MLIP: variants seen among roughly 807,000 people sequenced by gnomAD.
MLIP encodes muscular LMNA-interacting protein.
In MLIP, 79 loss-of-function variants were observed where a neutral mutation model predicts 84.8. The ratio of observed to expected loss-of-function variants is 0.93; its 90% CI spans 0.78 to 1.12. The LOEUF is 1.12. MLIP is among the 50% of genes most tolerant of loss of function. MLIP has a pLI of 0.00. For synonymous variants in MLIP, 504 were observed against 463.0 expected (o/e 1.09, Z -1.14); for missense variants, 1,257 against 1,160.6 (o/e 1.08, Z -1.21).
At chr6:54,156,228 A>C (rs1051749790) in intron 5 of MLIP, among the ~76,000 whole-genome samples, 2 of 152,080 alleles carry the variant, frequency 1.3e-5, no homozygotes, top group Non-Finnish European at 2.9e-5. Context: ...ACAGTCAATT[A>C]AAAAAATCAA....
At chr6:54,061,449 A>G (rs1752671239) in intron 1 of MLIP, among the ~76,000 whole-genome samples, 1 of 152,200 alleles carries the variant, frequency 6.6e-6, no homozygotes, top group South Asian at 2.1e-4. Context: ...GATTGGTTTG[A>G]AGATTAAATG....
chr6:54,049,374 TCTG>T (rs1417502079), intron 1 of MLIP, among the ~76,000 whole-genome samples: 11 of 152,184 alleles, frequency 7.2e-5, no homozygotes, highest in Non-Finnish European at 1.2e-4. Context: ...TGCTCACACT[TCTG>T]CTGGGTCAGT....
chr6:54,034,244 C>T (rs879708425), intron 1 of MLIP, among the ~76,000 whole-genome samples: 1 of 152,068 alleles, frequency 6.6e-6, no homozygotes, highest in Non-Finnish European at 1.5e-5. Context: ...GTGTGTAAAC[C>T]TAGGATACAT....
chr6:54,096,250 C>T (rs556764050), intron 1 of MLIP, among the ~76,000 whole-genome samples: 6 of 152,176 alleles, frequency 3.9e-5, no homozygotes, highest in African/African-American at 1.2e-4. Context: ...ATTTCTTATA[C>T]CAAGCTTGGA....
intron 11 of MLIP, among the ~76,000 whole-genome samples, chr6:54,229,543 A>G (rs1377589098): frequency 6.6e-6 from 1 of 152,068 alleles, no homozygotes; most frequent in Admixed American, 6.5e-5. Flanking sequence ...GACAAGCCCC[A>G]GTATGTGTTG....
intron 11 of MLIP, chr6:54,215,282 G>T: frequency 6.8e-7 from 1 of 1,472,224 alleles, no homozygotes; most frequent in Non-Finnish European, 8.9e-7. Context: ...AAAAGACGAT[G>T]ATAGAATTCA....
At chr6:54,170,829 C>T (rs1357557471) in intron 9 of MLIP, among the ~76,000 whole-genome samples, 3 of 151,544 alleles carry the variant, frequency 2.0e-5, no homozygotes, top group Non-Finnish European at 4.4e-5. Context: ...TATCTCCTTT[C>T]TTCTCTTCCT....
chr6:54,217,537 T>C, intron 11 of MLIP: 1 of 985,228 alleles, frequency 1.0e-6, no homozygotes, highest in Non-Finnish European at 1.2e-6. Context: ...TAATTTTTCT[T>C]TAATGAACAA....
At chr6:54,133,829 T>C (rs1771586444) in intron 3 of MLIP, among the ~76,000 whole-genome samples, 1 of 152,150 alleles carries the variant, frequency 6.6e-6, no homozygotes, top group South Asian at 2.1e-4. Context: ...GAGTTCCAGA[T>C]AGCCTTTCTA....
rs559598804 is a variant in MLIP at position 54,247,812 on chromosome 6, G to A, written c.2923-9496G>A. Among the ~76,000 whole-genome samples, 254 of 152,188 alleles carry A rather than the reference G, an allele frequency of 1.7e-3. 2 individuals carry two copies. Among genetic ancestry groups the A allele is most frequent in the African/African-American group, 5.9e-3 (243 of 41,532 alleles). Reference sequence around the variant, plus strand: ...TCTTGGCCCCCACATCCTTAGTGATGCTCTTGGGGGTGTACTGCTAGAGGA... The same window carrying A: ...TCTTGGCCCCCACATCCTTAGTGATACTCTTGGGGGTGTACTGCTAGAGGA... On this transcript the variant is annotated intron_variant, in intron 12 of 13. Coordinates refer to ENST00000502396, the MANE Select transcript of MLIP (RefSeq NM_001281747.2).
chr6:54,130,672 A>G (rs1412032725), intron 3 of MLIP, among the ~76,000 whole-genome samples: 5 of 152,146 alleles, frequency 3.3e-5, no homozygotes, highest in Non-Finnish European at 7.4e-5. Flanking sequence ...AAAAAAGTGT[A>G]TTAGGTTGCA....
chr6:54,202,012 G>A (rs1473173428), intron 10 of MLIP, 93 bp from the exon 11 acceptor site: 2 of 879,666 alleles, frequency 2.3e-6, no homozygotes, highest in Non-Finnish European at 3.1e-6. Flanking sequence ...TTTTCTGTGA[G>A]AACAGCATTG....
intron 4 of MLIP, among the ~76,000 whole-genome samples, chr6:54,145,792 C>G (rs573668818): frequency 7.0e-6 from 1 of 142,984 alleles, no homozygotes; most frequent in Non-Finnish European, 1.5e-5. Context: ...CCCCCTCCCC[C>G]ACAAAAAAAA....
At chr6:54,176,457 C>T (rs1776295655) in intron 9 of MLIP, among the ~76,000 whole-genome samples, 1 of 151,932 alleles carries the variant, frequency 6.6e-6, no homozygotes, top group African/African-American at 2.4e-5. Context: ...CTTCATGGTT[C>T]AGTCTTGATA....
intron 10 of MLIP, among the ~76,000 whole-genome samples, chr6:54,193,906 T>A (rs1150874): frequency 0.82 from 125,389 of 152,014 alleles, 53,314 homozygotes; most frequent in Non-Finnish European, 0.94. Flanking sequence ...AACACACAAG[T>A]TAGGCACCCC....
At chr6:54,054,354 C>A (rs1295225474) in intron 1 of MLIP, among the ~76,000 whole-genome samples, 1 of 148,178 alleles carries the variant, frequency 6.7e-6, no homozygotes, top group Non-Finnish European at 1.5e-5. Context: ...CGATGACAAA[C>A]AGGGTGGATT....
At chr6:54,161,673 C>T (rs1774653993) in intron 8 of MLIP, among the ~76,000 whole-genome samples, 1 of 151,740 alleles carries the variant, frequency 6.6e-6, no homozygotes, top group Non-Finnish European at 1.5e-5. Context: ...CTACACATAA[C>T]TAGAAGAGCA....
At chr6:54,115,550 G>T (rs1038449067) in intron 1 of MLIP, among the ~76,000 whole-genome samples, 3 of 152,068 alleles carry the variant, frequency 2.0e-5, no homozygotes, top group East Asian at 1.9e-4. Context: ...GGGCAAGGAA[G>T]AATAGAGGTC....
Position 54,161,201 on chromosome 6 carries a change from A to G in MLIP, c.2499+402A>G, listed in dbSNP as rs537773966. ...TTATGGAATTTATAGCCACTTAAAA[A>G]TAGAGAAGTAAAAAATGAAGTAGAC... On this transcript the variant is annotated intron_variant, in intron 8 of 13. Transcript: ENST00000502396. Among the ~76,000 whole-genome samples, 27 of 152,104 alleles carry G rather than the reference A, an allele frequency of 1.8e-4. 1 individual carries two copies. The South Asian group carries it at 3.5e-3, about 20-fold the overall frequency.
Sources: allele counts gnomAD v4.1 joint callset (sites outside exome capture counted in the v4.1 genomes callset), GRCh38; gene constraint gnomAD v4.1.1; transcripts MANE v1.5; gene names NCBI Gene and HGNC (gene_info 2026-07-23, HGNC 2026-07-21).